The following AGMO variants were observed in gnomAD, a reference collection of about 807,000 sequenced individuals.
AGMO encodes the protein glyceryl-ether monooxygenase.
A neutral mutation model predicts 60.2 loss-of-function variants in AGMO; 75 were observed. The ratio of observed to expected loss-of-function variants is 1.25; its 90% CI spans 1.03 to 1.51. AGMO has a LOEUF of 1.51. AGMO is among the 40% of genes most tolerant of loss of function. The pLI is 0.00. For synonymous variants in AGMO, 261 were observed against 177.1 expected (o/e 1.47, Z -3.76); for missense variants, 763 against 525.5 (o/e 1.45, Z -4.42).
At chr7:15,510,415 C>T (rs937595262) in intron 3 of AGMO, among the ~76,000 whole-genome samples, 3 of 151,786 alleles carry the variant, frequency 2.0e-5, no homozygotes, top group Non-Finnish European at 4.4e-5. Flanking sequence ...TGGGCTCAAA[C>T]AATCCTCTCG....
In AGMO at chr7:15,366,321, G is replaced by C. The variant is rs1005738408; in HGVS notation, c.1075-99C>G. 8.2e-6 allele frequency: 6 copies of C among 736,100 alleles called. No homozygotes were observed. In the Admixed American group the frequency reaches 1.7e-4, roughly 20 times the overall value. The allele number at this position is 736,100 out of a possible 1,614,324, so 45.6% of individuals were successfully genotyped here. ...CAAAACAGCCCAAATTTTATGTCCT[G>C]TTGCACCACTTGTCATTGACACTTT... is the stretch of plus-strand genomic sequence containing the variant. On this transcript the variant is annotated intron_variant, in intron 10 of 12. Coordinates refer to ENST00000342526, the MANE Select transcript of AGMO (RefSeq NM_001004320.2).
chr7:15,297,350 T>C (rs941448868), intron 12 of AGMO, among the ~76,000 whole-genome samples: 2 of 152,214 alleles, frequency 1.3e-5, no homozygotes, highest in Admixed American at 1.3e-4. Context: ...TGCTACATTT[T>C]ACTATTGTAG....
chr7:15,463,338 A>G (rs1331907737), intron 3 of AGMO, among the ~76,000 whole-genome samples: 1 of 152,052 alleles, frequency 6.6e-6, no homozygotes, highest in Non-Finnish European at 1.5e-5. Context: ...TACTTCTCTC[A>G]TTTTCCTACT....
intron 12 of AGMO, among the ~76,000 whole-genome samples, chr7:15,207,910 G>T (rs1781483325): frequency 6.6e-6 from 1 of 152,126 alleles, no homozygotes; most frequent in African/African-American, 2.4e-5. Flanking sequence ...CTCCAGCCTG[G>T]GTGACAGTGC....
the AGMO span, among the ~76,000 whole-genome samples, chr7:15,191,449 G>C: frequency 6.6e-6 from 1 of 152,112 alleles, no homozygotes; most frequent in African/African-American, 2.4e-5. Context: ...GGAGTAACAG[G>C]TGTTTTGATG....
chr7:15,458,709 G>A (rs1484466766), intron 3 of AGMO, among the ~76,000 whole-genome samples: 1 of 151,996 alleles, frequency 6.6e-6, no homozygotes, highest in African/African-American at 2.4e-5. Context: ...ACTGTTGAGG[G>A]TATTATTAAT....
intron 12 of AGMO, among the ~76,000 whole-genome samples, chr7:15,245,338 C>T (rs536837002): frequency 1.4e-4 from 21 of 152,240 alleles, no homozygotes; most frequent in Non-Finnish European, 2.9e-4. Context: ...TCTCTTTCCC[C>T]TTTGACCAGG....
the AGMO span, among the ~76,000 whole-genome samples, chr7:15,188,170 C>T: frequency 1.3e-5 from 2 of 152,154 alleles, no homozygotes; most frequent in Non-Finnish European, 2.9e-5. Context: ...TGGATGAATA[C>T]TATGGACTTT....
At chr7:15,118,518 A>G in the AGMO span, among the ~76,000 whole-genome samples, 1 of 152,104 alleles carries the variant, frequency 6.6e-6, no homozygotes, top group South Asian at 2.1e-4. Flanking sequence ...TCCCTATCTA[A>G]CAAAAAACAG....
At chr7:15,518,759 C>T (rs191117783) in intron 3 of AGMO, among the ~76,000 whole-genome samples, 3 of 152,094 alleles carry the variant, frequency 2.0e-5, no homozygotes, top group Non-Finnish European at 4.4e-5. Context: ...TGCCTCTTCT[C>T]CTCCAAAGTA....
At chr7:15,535,857 CAGGTGTGCTATCAAATACA>C (rs1784473531) in intron 3 of AGMO, among the ~76,000 whole-genome samples, 1 of 151,756 alleles carries the variant, frequency 6.6e-6, no homozygotes, top group Non-Finnish European at 1.5e-5. Context: ...TATAAGCTCC[CAGGTGTGCTATCAAATACA>C]AGGTAGGGCA....
chr7:15,449,501 A>C (rs918018362), intron 3 of AGMO, among the ~76,000 whole-genome samples: 1 of 152,208 alleles, frequency 6.6e-6, no homozygotes, highest in Non-Finnish European at 1.5e-5. Context: ...ATGTTTAGAT[A>C]TACAAATAAT....
the AGMO span, among the ~76,000 whole-genome samples, chr7:15,191,697 TA>T: frequency 6.6e-6 from 1 of 152,212 alleles, no homozygotes; most frequent in Non-Finnish European, 1.5e-5. Flanking sequence ...CTTAAATTTT[TA>T]AAATCACTTT....
intron 12 of AGMO, among the ~76,000 whole-genome samples, chr7:15,353,468 T>C (rs1782335826): frequency 6.6e-6 from 1 of 152,196 alleles, no homozygotes; most frequent in Non-Finnish European, 1.5e-5. Context: ...GTTGATCTAC[T>C]CTTGGGGGGA....
intron 3 of AGMO, among the ~76,000 whole-genome samples, chr7:15,467,699 T>C (rs1215882242): frequency 6.6e-6 from 1 of 152,194 alleles, no homozygotes; most frequent in Admixed American, 6.5e-5. Context: ...AACATGTATC[T>C]GTATTTTTGG....
intron 3 of AGMO, among the ~76,000 whole-genome samples, chr7:15,462,238 A>C (rs866975924): frequency 6.6e-6 from 1 of 152,190 alleles, no homozygotes; most frequent in South Asian, 2.1e-4. Flanking sequence ...ACACTATTTT[A>C]GCTCAAGAAC....
chr7:15,546,344 T>C (rs897846054), intron 2 of AGMO, among the ~76,000 whole-genome samples: 13 of 152,184 alleles, frequency 8.5e-5, no homozygotes, highest in South Asian at 4.1e-4. Flanking sequence ...TGAGATTACA[T>C]GGTTGGAAGA....
chr7:15,120,351 G>A, the AGMO span, among the ~76,000 whole-genome samples: 2 of 152,080 alleles, frequency 1.3e-5, no homozygotes, highest in African/African-American at 2.4e-5. Context: ...TGACCCTGAT[G>A]ATTAGTTCTT....
chr7:15,219,906 G>T (rs1453591585), intron 12 of AGMO, among the ~76,000 whole-genome samples: 7 of 152,066 alleles, frequency 4.6e-5, no homozygotes, highest in African/African-American at 1.7e-4. Context: ...TTCCAGACAA[G>T]CCAGATGGCT....
Sources: gnomAD v4.1 joint callset for allele counts (sites outside exome capture counted in the v4.1 genomes callset) on GRCh38, gnomAD v4.1.1 for gene constraint, MANE v1.5 for transcripts, NCBI Gene and HGNC (gene_info 2026-07-23, HGNC 2026-07-21) for gene names.